NUP62CL: variants seen among roughly 807,000 people sequenced by gnomAD.
The protein encoded by NUP62CL is nucleoporin 62 C-terminal like.
A neutral mutation model predicts 15.3 loss-of-function variants in NUP62CL; 13 were observed. That is an observed-to-expected ratio of 0.85 (90% CI 0.55 to 1.35). The LOEUF (loss-of-function observed/expected upper bound fraction) is 1.35, where lower values mean the gene tolerates loss of function less well. Ranked by LOEUF, NUP62CL falls within the 40% of genes most tolerant of loss-of-function variation. The pLI, the probability that NUP62CL is intolerant of heterozygous loss-of-function variation, is 0.00. For synonymous variants in NUP62CL, 54 were observed against 49.2 expected, an observed-to-expected ratio of 1.10 and a Z score of -0.41; for missense variants, 123 against 130.6, an observed-to-expected ratio of 0.94 and a Z score of 0.28.
intron 3 of NUP62CL, among the ~76,000 whole-genome samples, chrX:107,170,174 G>A (rs187685828): frequency 9.1e-6 from 1 of 109,984 alleles, no homozygotes; most frequent in African/African-American, 3.3e-5. Context: ...AAAAAGATGT[G>A]TACTTAAGAG....
intron 3 of NUP62CL, 30 bp from the exon 4 acceptor site, chrX:107,167,814 G>C (rs1228560504): frequency 8.7e-7 from 1 of 1,148,305 alleles, no homozygotes; most frequent in Non-Finnish European, 1.2e-6. Flanking sequence ...ATGTTAGTAA[G>C]AAATGAGAAA....
In NUP62CL at chrX:107,199,937, T is replaced by C. The variant is rs777134950; in HGVS notation, c.-92+6336A>G. On this transcript the variant is annotated intron_variant, in intron 1 of 8. Coordinates refer to ENST00000372466, the MANE Select transcript of NUP62CL (RefSeq NM_017681.3). ...TGACCCTATTTGTCAGTAATAGTTATGCATGCCAACTCTGGAAGTAAAAAC... is the reference window on the plus strand; with the variant it reads ...TGACCCTATTTGTCAGTAATAGTTACGCATGCCAACTCTGGAAGTAAAAAC... Among the ~76,000 whole-genome samples the C allele has an allele frequency of 2.9e-3, 322 of 112,098 alleles. 2 individuals are homozygous for C. Among genetic ancestry groups the C allele is most frequent in the African/African-American group, 9.8e-3 (302 of 30,924 alleles).
chrX:107,143,279 T>G lies in NUP62CL; in HGVS notation c.*42+4464A>C, dbSNP rs1925815497. Among the ~76,000 whole-genome samples the G allele has an allele frequency of 2.7e-5, 3 of 111,853 alleles. No individual in the cohort carries two copies. The South Asian group carries it at 1.1e-3, about 42-fold the overall frequency. ...TCTCACTGTCACCAAGGCTAGGGTG[T>G]AGTGATGCAATCATGGCTCACTGAA... On this transcript the variant is annotated intron_variant, in intron 8 of 8. Coordinates refer to ENST00000372466, the MANE Select transcript of NUP62CL (RefSeq NM_017681.3).
intron 2 of NUP62CL, among the ~76,000 whole-genome samples, chrX:107,184,785 C>T (rs1927013662): frequency 9.0e-6 from 1 of 110,875 alleles, no homozygotes; most frequent in South Asian, 3.8e-4. Flanking sequence ...TTTACAAAGA[C>T]ACATAATAAT....
intron 2 of NUP62CL, among the ~76,000 whole-genome samples, chrX:107,185,083 G>C (rs945648765): frequency 3.7e-5 from 4 of 109,085 alleles, no homozygotes; most frequent in Non-Finnish European, 7.6e-5. Context: ...AGTAGTCCCA[G>C]CTACTCGGGA....
chrX:107,167,897 C>CA (rs773320262), intron 3 of NUP62CL, 113 bp from the exon 4 acceptor site: 2 of 674,907 alleles, frequency 3.0e-6, no homozygotes, highest in Admixed American at 4.0e-5. Flanking sequence ...AATTTGAACT[C>CA]AAAGATGCAG....
intron 1 of NUP62CL, among the ~76,000 whole-genome samples, chrX:107,202,922 G>A (rs1481869141): frequency 2.0e-5 from 2 of 101,026 alleles, no homozygotes; most frequent in Non-Finnish European, 4.0e-5. Flanking sequence ...AGGCTGCAGT[G>A]AGCTGTGATC....
chrX:107,193,099 A>G (rs1194003705), intron 1 of NUP62CL, 27 bp from the exon 2 acceptor site: 1 of 112,068 alleles, frequency 8.9e-6, no homozygotes, highest in East Asian at 2.8e-4. Context: ...GAAGAATGGG[A>G]AAAAAAATTA....
In NUP62CL at chrX:107,123,429, T is replaced by C. The variant is rs1208983181; in HGVS notation, c.*946A>G. On this transcript the variant is annotated 3_prime_UTR_variant, in exon 9 of 9. Transcript: ENST00000372466. ...CAATAAATTATAGGTTACTGAGCTC[T>C]AGTCACTTAAAAACTTTTAATAGTT... 3 of 111,943 alleles carry C rather than the reference T, an allele frequency of 2.7e-5. No individual in the cohort carries two copies. Among genetic ancestry groups the C allele is most frequent in the East Asian group, 5.6e-4 (2 of 3,600 alleles). The allele number at this position is 111,943 out of a possible 1,213,427, so 9.2% of individuals were successfully genotyped here.
At chrX:107,162,766 C>A (rs1041832189) in intron 4 of NUP62CL, among the ~76,000 whole-genome samples, 2 of 111,860 alleles carry the variant, frequency 1.8e-5, no homozygotes, top group Non-Finnish European at 3.8e-5. Flanking sequence ...GATCCCCAAC[C>A]CTTTTGGCAC....
chrX:107,148,455 C>A (rs928747019), intron 7 of NUP62CL, among the ~76,000 whole-genome samples: 1 of 111,013 alleles, frequency 9.0e-6, no homozygotes, highest in African/African-American at 3.3e-5. Flanking sequence ...GTAAAGTCAA[C>A]CCTGATGAAA....
intron 1 of NUP62CL, among the ~76,000 whole-genome samples, chrX:107,198,813 C>T (rs187697601): frequency 9.8e-5 from 11 of 112,109 alleles, no homozygotes; most frequent in African/African-American, 3.6e-4. Flanking sequence ...ATACTCACCG[C>T]GAGGGTCCGC....
At chrX:107,171,729 G>T (rs1569361830) in intron 3 of NUP62CL, among the ~76,000 whole-genome samples, 2 of 111,165 alleles carry the variant, frequency 1.8e-5, no homozygotes, top group East Asian at 5.7e-4. Flanking sequence ...CCATATCATG[G>T]TGCTAAGGGA....
chrX:107,183,308 G>A (rs1251726466), intron 2 of NUP62CL, among the ~76,000 whole-genome samples: 2 of 110,104 alleles, frequency 1.8e-5, no homozygotes, highest in African/African-American at 6.6e-5. Flanking sequence ...TAAAATAGAC[G>A]TAAGAAGCCC....
intron 7 of NUP62CL, among the ~76,000 whole-genome samples, chrX:107,151,578 A>C (rs1337167028): frequency 9.1e-6 from 1 of 110,043 alleles, no homozygotes; most frequent in Non-Finnish European, 1.9e-5. Context: ...TATGAGAATT[A>C]AAGTGGCCAG....
At chrX:107,175,265 C>T (rs1284612516) in intron 2 of NUP62CL, 72 bp from the exon 3 acceptor site, 1 of 519,525 alleles carries the variant, frequency 1.9e-6, no homozygotes, top group Non-Finnish European at 3.3e-6. Flanking sequence ...AACATTATGA[C>T]AAGGTTCATT....
chrX:107,189,711 T>C (rs1363359690), intron 2 of NUP62CL, among the ~76,000 whole-genome samples: 2 of 105,793 alleles, frequency 1.9e-5, no homozygotes, highest in African/African-American at 7.0e-5. Flanking sequence ...CACTTGAGCC[T>C]GGGAGGTCGA....
chrX:107,168,716 G>T (rs971291274), intron 3 of NUP62CL, among the ~76,000 whole-genome samples: 40 of 112,506 alleles, frequency 3.6e-4, no homozygotes, highest in African/African-American at 1.3e-3. Context: ...ACTAGTAAAT[G>T]CTGCTTCTGT....
chrX:107,153,050 CT>C, intron 7 of NUP62CL, 121 bp downstream of exon 7: 3 of 584,808 alleles, frequency 5.1e-6, no homozygotes, highest in Non-Finnish European at 7.6e-6. Flanking sequence ...ACTACAAAAG[CT>C]TGTCCCTTTC....
Sources: gnomAD v4.1 joint callset for allele counts (sites outside exome capture counted in the v4.1 genomes callset) on GRCh38, gnomAD v4.1.1 for gene constraint, MANE v1.5 for transcripts, NCBI Gene and HGNC (gene_info 2026-07-23, HGNC 2026-07-21) for gene names.